The following MAF variants were observed in gnomAD, a reference collection of about 807,000 sequenced individuals.
The protein encoded by MAF is MAF bZIP transcription factor.
In MAF, 10 loss-of-function variants were observed where a neutral mutation model predicts 22.0. That is an observed-to-expected ratio of 0.45 (90% CI 0.28 to 0.77). MAF has a LOEUF of 0.77. Among genes scored for constraint, MAF ranks in the 30% least tolerant of loss-of-function variants. MAF has a pLI of 0.12. For missense variants in MAF, 544 were observed against 548.4 expected (o/e 0.99, Z 0.08); for synonymous variants, 337 against 255.8 (o/e 1.32, Z -3.03).
At chr16:79,287,578 G>A in the MAF span, among the ~76,000 whole-genome samples, 2 of 152,202 alleles carry the variant, frequency 1.3e-5, no homozygotes, top group Non-Finnish European at 2.9e-5. Flanking sequence ...TACGCAGGCC[G>A]GAAATCAGAT....
the MAF span, among the ~76,000 whole-genome samples, chr16:79,258,731 G>A: frequency 1.2e-4 from 19 of 152,308 alleles, no homozygotes; most frequent in Non-Finnish European, 2.2e-4. Context: ...TTGAACTTCT[G>A]TGATCTAAAT....
At chr16:79,577,988 AT>A in the MAF span, among the ~76,000 whole-genome samples, 1 of 152,184 alleles carries the variant, frequency 6.6e-6, no homozygotes, top group Non-Finnish European at 1.5e-5. Flanking sequence ...ATATGCTGGC[AT>A]TCTGGTTTCA....
the MAF span, among the ~76,000 whole-genome samples, chr16:79,520,697 T>C: frequency 8.5e-5 from 13 of 152,154 alleles, no homozygotes; most frequent in South Asian, 1.5e-3. Flanking sequence ...CTGGTTTCTG[T>C]CCCAACCCTG....
At chr16:79,392,504 A>T in the MAF span, among the ~76,000 whole-genome samples, 10 of 151,276 alleles carry the variant, frequency 6.6e-5, 1 homozygote, top group East Asian at 1.4e-3. Flanking sequence ...GAGGAGAGAG[A>T]GAGAGAGAGA....
At chr16:79,547,237 A>T in the MAF span, among the ~76,000 whole-genome samples, 2 of 151,964 alleles carry the variant, frequency 1.3e-5, no homozygotes, top group Non-Finnish European at 2.9e-5. Flanking sequence ...ACACACACTC[A>T]CATTCCTATA....
chr16:79,354,008 T>G, the MAF span, among the ~76,000 whole-genome samples: 2 of 152,100 alleles, frequency 1.3e-5, no homozygotes, highest in Non-Finnish European at 2.9e-5. Context: ...TCTTTTTAAA[T>G]TTTTGAGACA....
chr16:79,522,583 G>C, the MAF span, among the ~76,000 whole-genome samples: 7 of 152,306 alleles, frequency 4.6e-5, no homozygotes, highest in South Asian at 1.0e-3. Context: ...CTCTTTGGGA[G>C]TTTACACTCA....
At chr16:79,437,012 C>T in the MAF span, among the ~76,000 whole-genome samples, 23 of 152,308 alleles carry the variant, frequency 1.5e-4, no homozygotes, top group African/African-American at 5.5e-4. Context: ...GAGTCACAAG[C>T]AGGGCTTTCA....
At chr16:79,377,281 T>C in the MAF span, among the ~76,000 whole-genome samples, 2 of 152,254 alleles carry the variant, frequency 1.3e-5, no homozygotes, top group South Asian at 4.1e-4. Flanking sequence ...CCAGTGATGA[T>C]GATCAGCATT....
the MAF span, among the ~76,000 whole-genome samples, chr16:79,262,846 G>A: frequency 1.3e-5 from 2 of 152,176 alleles, no homozygotes; most frequent in Non-Finnish European, 2.9e-5. Flanking sequence ...TGGGTGAACG[G>A]TATTGAAGGG....
At chr16:79,502,706 TAA>T in the MAF span, among the ~76,000 whole-genome samples, 235 of 16,542 alleles carry the variant, frequency 0.014, 10 homozygotes, top group South Asian at 0.071. Context: ...AATATAAATA[TAA>T]ATATATATAT....
At chr16:79,460,499 G>C in the MAF span, among the ~76,000 whole-genome samples, 1 of 152,090 alleles carries the variant, frequency 6.6e-6, no homozygotes, top group African/African-American at 2.4e-5. Flanking sequence ...GCAACATTAT[G>C]ATATTTTTAA....
chr16:79,389,461 T>C, the MAF span, among the ~76,000 whole-genome samples: 1 of 152,096 alleles, frequency 6.6e-6, no homozygotes, highest in Non-Finnish European at 1.5e-5. Flanking sequence ...TTTCACCATG[T>C]TTGTTCACCA....
the MAF span, among the ~76,000 whole-genome samples, chr16:79,466,093 T>C: frequency 2.0e-5 from 3 of 152,182 alleles, no homozygotes; most frequent in African/African-American, 7.2e-5. Context: ...TGGACAGTTT[T>C]TCTCGCTTTT....
the MAF span, among the ~76,000 whole-genome samples, chr16:79,390,775 T>C: frequency 1.3e-5 from 2 of 152,184 alleles, no homozygotes; most frequent in African/African-American, 4.8e-5. Context: ...GTCCTTGTTC[T>C]GTATGATAAT....
chr16:79,384,436 ACT>A, the MAF span, among the ~76,000 whole-genome samples: 1 of 118,390 alleles, frequency 8.4e-6, no homozygotes, highest in Non-Finnish European at 1.7e-5. Context: ...CAAGAGCAAA[ACT>A]CTGTCTCAAA....
At chr16:79,573,010 A>T in the MAF span, among the ~76,000 whole-genome samples, 45,016 of 152,134 alleles carry the variant, frequency 0.3, 7,307 homozygotes, top group Non-Finnish European at 0.38. Context: ...TATCATTATT[A>T]TGTGGTTGTG....
chr16:79,562,517 C>A, the MAF span, among the ~76,000 whole-genome samples: 1 of 152,102 alleles, frequency 6.6e-6, no homozygotes. Context: ...ATTGTCTAAC[C>A]AGACCACAAA....
the MAF span, among the ~76,000 whole-genome samples, chr16:79,556,979 G>A: frequency 1.8e-5 from 2 of 111,256 alleles, no homozygotes; most frequent in Non-Finnish European, 4.2e-5. Flanking sequence ...CATACAACAA[G>A]CTTTAAAAAA....
Sources: allele counts gnomAD v4.1 joint callset (sites outside exome capture counted in the v4.1 genomes callset), GRCh38; gene constraint gnomAD v4.1.1; transcripts MANE v1.5; gene names NCBI Gene and HGNC (gene_info 2026-07-23, HGNC 2026-07-21).